COL4A1: variants seen among roughly 807,000 people sequenced by gnomAD.
COL4A1 encodes the protein collagen type IV alpha 1 chain, also known as collagen alpha-1(IV) chain.
COL4A1 carries 40 observed loss-of-function variants against 216.6 expected under a neutral mutation model. The observed-to-expected ratio is 0.18, with a 90% CI of 0.14 to 0.24. COL4A1 has a LOEUF of 0.24. Ranked by LOEUF, COL4A1 falls within the 10% of genes least tolerant of loss-of-function variation. The pLI, the probability that COL4A1 is intolerant of heterozygous loss-of-function variation, is 1.00. For synonymous variants in COL4A1, 839 were observed against 810.7 expected (o/e 1.03, Z -0.59); for missense variants, 1,628 against 2,196.8 (o/e 0.74, Z 5.18).
intron 2 of COL4A1, among the ~76,000 whole-genome samples, chr13:110,220,940 C>G (rs1365886378): frequency 6.6e-6 from 1 of 152,200 alleles, no homozygotes; most frequent in South Asian, 2.1e-4. Context: ...ATCCCAAGCC[C>G]TCACGATAAG....
intron 20 of COL4A1, among the ~76,000 whole-genome samples, chr13:110,198,941 A>T (rs1022255030): frequency 2.0e-4 from 31 of 152,238 alleles, no homozygotes; most frequent in Non-Finnish European, 3.8e-4. Flanking sequence ...GGTGCACTGC[A>T]TTTCTACTTG....
intron 37 of COL4A1, 24 bp downstream of exon 37, chr13:110,175,194 C>A: frequency 6.2e-7 from 1 of 1,614,060 alleles, no homozygotes. Context: ...AGAAGGGGAC[C>A]TTTCCACGCA....
At chr13:110,263,189 G>A (rs1386971674) in intron 1 of COL4A1, among the ~76,000 whole-genome samples, 2 of 152,180 alleles carry the variant, frequency 1.3e-5, no homozygotes, top group Non-Finnish European at 2.9e-5. Context: ...CCAGACCAAG[G>A]AGAGACAGCT....
At chr13:110,301,643 G>A (rs928786716) in intron 1 of COL4A1, among the ~76,000 whole-genome samples, 7 of 152,166 alleles carry the variant, frequency 4.6e-5, no homozygotes, top group South Asian at 4.1e-4. Context: ...AGGGGATCAC[G>A]TGGAAAAGGG....
In COL4A1 at chr13:110,186,521, G is replaced by A. The variant is rs1451595391; in HGVS notation, c.1761C>T (p.Pro587=). 1 of 1,613,966 alleles carries A rather than the reference G, an allele frequency of 6.2e-7. No homozygotes were observed. Among genetic ancestry groups the A allele is most frequent in the Admixed American group, 1.7e-5 (1 of 60,020 alleles). Residue 587 remains proline (P), a synonymous_variant, in exon 26 of 52, where the codon CCC becomes CCT. Transcript: ENST00000375820. ...GSVGLKGERG[P]PGGVGFPGSR... is the part of the protein sequence containing the mutation. ...TGCCTGGGAATCCAACTCCTCCAGGGGGGCCACGCTCTCCTTTCAATCCTA... is the reference window on the plus strand; with the variant it reads ...TGCCTGGGAATCCAACTCCTCCAGGAGGGCCACGCTCTCCTTTCAATCCTA...
intron 47 of COL4A1, among the ~76,000 whole-genome samples, chr13:110,162,778 A>G (rs1877145822): frequency 1.3e-5 from 2 of 152,324 alleles, no homozygotes; most frequent in South Asian, 4.1e-4. Context: ...TAAATGAATG[A>G]CGTGACTCTG....
chr13:110,261,684 T>A (rs1271290484), intron 1 of COL4A1, among the ~76,000 whole-genome samples: 1 of 152,184 alleles, frequency 6.6e-6, no homozygotes, highest in East Asian at 1.9e-4. Flanking sequence ...TCTGGGGATT[T>A]GCATCAGAGC....
At chr13:110,230,500 G>A (rs970386204) in intron 2 of COL4A1, among the ~76,000 whole-genome samples, 38 of 151,614 alleles carry the variant, frequency 2.5e-4, no homozygotes, top group African/African-American at 9.2e-4. Flanking sequence ...GGAACAGAAA[G>A]GGCAGAAATT....
intron 21 of COL4A1, among the ~76,000 whole-genome samples, chr13:110,195,742 T>C (rs1878857269): frequency 6.6e-6 from 1 of 152,244 alleles, no homozygotes; most frequent in South Asian, 2.1e-4. Context: ...ATGATTTGGA[T>C]ACACACTGAG....
chr13:110,253,761 TACG>T (rs1882371753), intron 1 of COL4A1, among the ~76,000 whole-genome samples: 1 of 90,776 alleles, frequency 1.1e-5, no homozygotes, highest in Admixed American at 1.1e-4. Context: ...CATATAATTA[TACG>T]TATGTATGTA....
At chr13:110,189,571 C>T (rs1487954384) in intron 24 of COL4A1, among the ~76,000 whole-genome samples, 1 of 152,216 alleles carries the variant, frequency 6.6e-6, no homozygotes, top group Non-Finnish European at 1.5e-5. Context: ...AGTCTATTTG[C>T]TCTGGGTCCC....
chr13:110,257,151 C>T (rs1882614180), intron 1 of COL4A1, among the ~76,000 whole-genome samples: 1 of 152,214 alleles, frequency 6.6e-6, no homozygotes, highest in Non-Finnish European at 1.5e-5. Context: ...GAAAACATCA[C>T]CTTCTAAGGA....
intron 1 of COL4A1, among the ~76,000 whole-genome samples, chr13:110,287,680 G>A (rs193091191): frequency 4.9e-4 from 75 of 152,336 alleles, no homozygotes; most frequent in Non-Finnish European, 7.5e-4. Context: ...TTGCCTGGGC[G>A]GCTGTCTGGG....
intron 1 of COL4A1, among the ~76,000 whole-genome samples, chr13:110,247,834 T>TGTGTGTGG (rs1491092763): frequency 1.1e-5 from 1 of 87,294 alleles, no homozygotes; most frequent in African/African-American, 4.9e-5. Flanking sequence ...TGTGTGTGTG[T>TGTGTGTGG]GGCAGAGAGA....
At chr13:110,165,015 T>A in intron 45 of COL4A1, 25 bp from the exon 46 acceptor site, 1 of 1,597,916 alleles carries the variant, frequency 6.3e-7, no homozygotes, top group South Asian at 1.1e-5. Flanking sequence ...AAGGCATTGA[T>A]CAATTTCACT....
At chr13:110,167,126 A>G (rs773394361) in intron 44 of COL4A1, 32 bp downstream of exon 44, 2 of 1,577,854 alleles carry the variant, frequency 1.3e-6, no homozygotes, top group Non-Finnish European at 1.7e-6. Flanking sequence ...TGCTGCTGCA[A>G]AGGCTGTGCA....
In COL4A1 at chr13:110,205,335, A is replaced by C; in HGVS notation, c.957+18T>G. ...TTGGAAAGTGAAGATAAAGGCTCAC[A>C]ATAGTGCCAGCGTTTACCTGCGGGC... On this transcript the variant is annotated intron_variant, in intron 17 of 51. Coordinates refer to ENST00000375820, the MANE Select transcript of COL4A1 (RefSeq NM_001845.6). The C allele has an allele frequency of 6.2e-7, 1 of 1,614,002 alleles. No homozygotes were observed. Among genetic ancestry groups the C allele is most frequent in the Non-Finnish European group, 8.5e-7 (1 of 1,179,942 alleles).
chr13:110,215,246 G>A (rs967149964), intron 2 of COL4A1, among the ~76,000 whole-genome samples: 1 of 150,626 alleles, frequency 6.6e-6, no homozygotes, highest in Non-Finnish European at 1.5e-5. Context: ...GGGCTTTAAT[G>A]AGAAATGTCT....
At chr13:110,249,378 A>G (rs1881978261) in intron 1 of COL4A1, among the ~76,000 whole-genome samples, 1 of 152,164 alleles carries the variant, frequency 6.6e-6, no homozygotes, top group Non-Finnish European at 1.5e-5. Flanking sequence ...TCACAGCAGC[A>G]CTATCCACAA....
Sources: allele counts gnomAD v4.1 joint callset (sites outside exome capture counted in the v4.1 genomes callset), GRCh38; gene constraint gnomAD v4.1.1; transcripts MANE v1.5; gene names NCBI Gene and HGNC (gene_info 2026-07-23, HGNC 2026-07-21).